The following ASB4 variants were observed in gnomAD, a reference collection of about 807,000 sequenced individuals.
The protein encoded by ASB4 is ankyrin repeat and SOCS box containing 4.
A neutral mutation model predicts 38.6 loss-of-function variants in ASB4; 35 were observed. That is an observed-to-expected ratio of 0.91 (90% CI 0.69 to 1.20). The LOEUF (loss-of-function observed/expected upper bound fraction) is 1.20. Ranked by LOEUF, ASB4 falls within the 50% of genes most tolerant of loss-of-function variation. ASB4 has a pLI of 0.00. For synonymous variants in ASB4, 195 were observed against 201.3 expected (o/e 0.97, Z 0.26); for missense variants, 557 against 527.2 (o/e 1.06, Z -0.55).
chr7:95,529,046 G>T (rs767514244), intron 3 of ASB4, among the ~76,000 whole-genome samples: 2 of 152,100 alleles, frequency 1.3e-5, no homozygotes, highest in African/African-American at 4.8e-5. Flanking sequence ...GTTGCTACCA[G>T]TATTGATATG....
chr7:95,506,161 G>A (rs1790405432), intron 2 of ASB4, among the ~76,000 whole-genome samples: 1 of 152,168 alleles, frequency 6.6e-6, no homozygotes, highest in Admixed American at 6.5e-5. Context: ...GGCCTACAAA[G>A]TGCTGGAATT....
intron 2 of ASB4, among the ~76,000 whole-genome samples, chr7:95,526,567 G>A (rs1205736365): frequency 6.6e-6 from 1 of 152,116 alleles, no homozygotes; most frequent in East Asian, 1.9e-4. Context: ...CAACTAGCTG[G>A]TTGTACTTTT....
chr7:95,475,464 A>G (rs1227034078), upstream of ASB4, among the ~76,000 whole-genome samples: 1 of 151,884 alleles, frequency 6.6e-6, no homozygotes, highest in Non-Finnish European at 1.5e-5. Context: ...GCTCACTGCA[A>G]CCTCCACTTC....
chr7:95,506,333 C>A (rs1487094500), intron 2 of ASB4, among the ~76,000 whole-genome samples: 2 of 152,150 alleles, frequency 1.3e-5, no homozygotes, highest in Non-Finnish European at 2.9e-5. Context: ...TCTGGTGAAC[C>A]ACTGTCATCC....
At chr7:95,522,159 AT>A (rs1790672519) in intron 2 of ASB4, among the ~76,000 whole-genome samples, 1 of 152,142 alleles carries the variant, frequency 6.6e-6, no homozygotes, top group Non-Finnish European at 1.5e-5. Flanking sequence ...ACACAAAATA[AT>A]TTTGAGTTTT....
At position 95,495,959 on chromosome 7, in the gene ASB4, G is replaced by C; in HGVS notation, c.389G>C (p.Gly130Ala). The C allele has an allele frequency of 6.2e-7, 1 of 1,614,078 alleles. No homozygotes were observed. The highest frequency in any genetic ancestry group is 8.5e-7 in the Non-Finnish European group (1 of 1,180,008). ...VDCVKILCDR[G>A]AKLNCYSLSG... ...TGTGTTAAGATCCTCTGTGATCGTG[G>C]GGCAAAGCTCAATTGCTACTCCTTA... The change falls in exon 2 of 5, where the codon GGG becomes GCG. Residue 130 changes from glycine to alanine, a missense_variant. Gly to Ala is a moderately conservative substitution (Grantham distance 60). Coordinates refer to ENST00000325885, the MANE Select transcript of ASB4 (RefSeq NM_016116.3).
intron 2 of ASB4, among the ~76,000 whole-genome samples, chr7:95,500,009 G>A (rs1790311519): frequency 2.0e-5 from 3 of 151,672 alleles, no homozygotes; most frequent in Admixed American, 6.6e-5. Flanking sequence ...AAGTAGCTGG[G>A]AGCATCCTCA....
intron 2 of ASB4, among the ~76,000 whole-genome samples, chr7:95,511,671 A>AAT (rs1554348877): frequency 3.3e-5 from 5 of 152,074 alleles, no homozygotes; most frequent in African/African-American, 1.2e-4. Flanking sequence ...TCAAAAAAAA[A>AAT]AAATAAATAA....
intron 2 of ASB4, among the ~76,000 whole-genome samples, chr7:95,515,213 C>CTTTCTT (rs1455910608): frequency 8.1e-6 from 1 of 122,922 alleles, no homozygotes; most frequent in South Asian, 2.6e-4. Flanking sequence ...TTCTTTCTTT[C>CTTTCTT]TTTCTTTCTT....
intron 4 of ASB4, among the ~76,000 whole-genome samples, chr7:95,537,197 T>C (rs1387284802): frequency 6.6e-6 from 1 of 152,216 alleles, no homozygotes; most frequent in African/African-American, 2.4e-5. Flanking sequence ...GCTGTGTTAC[T>C]TTTAAAAGTC....
At chr7:95,491,297 G>T (rs1790167260) in intron 1 of ASB4, among the ~76,000 whole-genome samples, 1 of 152,114 alleles carries the variant, frequency 6.6e-6, no homozygotes, top group Non-Finnish European at 1.5e-5. Context: ...GAACTCTTCT[G>T]CAAGGAGCTG....
chr7:95,528,786 C>A, intron 3 of ASB4: 1 of 733,468 alleles, frequency 1.4e-6, no homozygotes, highest in Non-Finnish European at 1.7e-6. Flanking sequence ...AATAAATAAG[C>A]ACACTGTTAT....
intron 2 of ASB4, among the ~76,000 whole-genome samples, chr7:95,502,310 C>A (rs1459922242): frequency 4.0e-5 from 6 of 150,268 alleles, no homozygotes; most frequent in Non-Finnish European, 8.9e-5. Context: ...AATAAGCATA[C>A]AAAAGATAAT....
chr7:95,507,950 G>A (rs1008937465), intron 2 of ASB4, among the ~76,000 whole-genome samples: 15 of 152,112 alleles, frequency 9.9e-5, no homozygotes, highest in African/African-American at 3.6e-4. Context: ...TCAGAGTGGG[G>A]GGGATTGAGA....
chr7:95,491,371 C>T (rs752571067), intron 1 of ASB4, among the ~76,000 whole-genome samples: 2 of 152,140 alleles, frequency 1.3e-5, no homozygotes, highest in Non-Finnish European at 2.9e-5. Flanking sequence ...GGGAGGCAGC[C>T]GCTGCTTCAC....
downstream of ASB4, chr7:95,543,016 G>A (rs903454191): frequency 1.3e-5 from 2 of 152,218 alleles, no homozygotes; most frequent in African/African-American, 4.8e-5. Flanking sequence ...TAGGTACTGA[G>A]GTCCTTCTCA....
At chr7:95,511,269 G>A (rs1790477046) in intron 2 of ASB4, among the ~76,000 whole-genome samples, 1 of 152,086 alleles carries the variant, frequency 6.6e-6, no homozygotes. Flanking sequence ...GAGCCACCAA[G>A]AAGTGAACGC....
chr7:95,508,331 A>C (rs1790437912), intron 2 of ASB4, among the ~76,000 whole-genome samples: 1 of 152,094 alleles, frequency 6.6e-6, no homozygotes, highest in African/African-American at 2.4e-5. Flanking sequence ...CTTCCCTTTG[A>C]AGGGCATTTT....
At chr7:95,543,785 T>G (rs1790999707), downstream of ASB4, 1 of 152,170 alleles carries the variant, frequency 6.6e-6, no homozygotes, top group African/African-American at 2.4e-5. Context: ...CTGAGTGGGA[T>G]GAAATTATGA....
Sources: allele counts gnomAD v4.1 joint callset (sites outside exome capture counted in the v4.1 genomes callset), GRCh38; gene constraint gnomAD v4.1.1; transcripts MANE v1.5; gene names NCBI Gene and HGNC (gene_info 2026-07-23, HGNC 2026-07-21).